Variants in DAB1 observed in about 807,000 individuals in gnomAD.
DAB1 encodes DAB adaptor protein 1.
A neutral mutation model predicts 64.6 loss-of-function variants in DAB1; 15 were observed. The ratio of observed to expected loss-of-function variants is 0.23; its 90% CI spans 0.16 to 0.36. The LOEUF is 0.36. Ranked by LOEUF, DAB1 falls within the 10% of genes least tolerant of loss-of-function variation. The pLI is 1.00. For synonymous variants in DAB1, 235 were observed against 251.9 expected (o/e 0.93, Z 0.64); for missense variants, 596 against 706.7 (o/e 0.84, Z 1.78).
intron 5 of DAB1, among the ~76,000 whole-genome samples, chr1:58,147,510 C>A (rs1434721577): frequency 4.3e-5 from 6 of 138,068 alleles, no homozygotes; most frequent in African/African-American, 1.4e-4. Flanking sequence ...CCCAGCTACT[C>A]GAGGCTGAGG....
At chr1:57,228,597 A>T (rs1667441633) in intron 2 of DAB1, among the ~76,000 whole-genome samples, 1 of 152,198 alleles carries the variant, frequency 6.6e-6, no homozygotes, top group South Asian at 2.1e-4. Flanking sequence ...TGCTTTTTAC[A>T]TGGAGCGTAG....
intron 7 of DAB1, among the ~76,000 whole-genome samples, chr1:57,441,298 CTTTCTTTCTTTCTTTCTTTCTT>C (rs1685945677): frequency 1.6e-5 from 1 of 61,754 alleles, no homozygotes; most frequent in Admixed American, 2.2e-4. Flanking sequence ...TTCTTTCTTT[CTTTCTTTCTTTCTTTCTTTCTT>C]CTTTCCTCCT....
intron 7 of DAB1, among the ~76,000 whole-genome samples, chr1:57,625,275 C>A (rs1645908654): frequency 6.6e-6 from 1 of 151,954 alleles, no homozygotes; most frequent in African/African-American, 2.4e-5. Context: ...TCTATCTTTT[C>A]TCTGTGTGTA....
intron 1 of DAB1, among the ~76,000 whole-genome samples, chr1:57,413,689 A>T (rs955974212): frequency 7.0e-6 from 1 of 143,098 alleles, no homozygotes; most frequent in African/African-American, 2.7e-5. Flanking sequence ...GCTTGCAGTG[A>T]GCTGAGATCG....
chr1:58,088,425 T>C (rs1186405944), intron 5 of DAB1, among the ~76,000 whole-genome samples: 2 of 152,206 alleles, frequency 1.3e-5, no homozygotes, highest in African/African-American at 4.8e-5. Flanking sequence ...TTTAAAAAAT[T>C]ATCTTCTAAT....
chr1:58,536,285 T>A (rs1475999307), intron 1 of DAB1, among the ~76,000 whole-genome samples: 2 of 152,068 alleles, frequency 1.3e-5, no homozygotes, highest in Non-Finnish European at 2.9e-5. Flanking sequence ...AAAAGTGACA[T>A]TTAAGGTGAA....
chr1:57,033,832 C>T (rs904483139), intron 9 of DAB1, among the ~76,000 whole-genome samples: 17 of 152,170 alleles, frequency 1.1e-4, no homozygotes, highest in South Asian at 8.3e-4. Flanking sequence ...GACATTGCCC[C>T]GCAGTTACAG....
intron 6 of DAB1, among the ~76,000 whole-genome samples, chr1:57,681,817 T>A (rs894325790): frequency 9.2e-5 from 14 of 152,170 alleles, no homozygotes; most frequent in African/African-American, 3.4e-4. Flanking sequence ...ATAGAAGATG[T>A]GGAATGAGTT....
At chr1:57,675,763 G>A (rs1281475069) in intron 6 of DAB1, among the ~76,000 whole-genome samples, 1 of 152,026 alleles carries the variant, frequency 6.6e-6, no homozygotes, top group African/African-American at 2.4e-5. Flanking sequence ...ATAATAATCA[G>A]CCTTTTATTT....
At chr1:57,299,343 A>C (rs1673447463) in intron 1 of DAB1, among the ~76,000 whole-genome samples, 1 of 152,208 alleles carries the variant, frequency 6.6e-6, no homozygotes, top group African/African-American at 2.4e-5. Flanking sequence ...TGGAAAAATA[A>C]AATGCTATGT....
intron 2 of DAB1, among the ~76,000 whole-genome samples, chr1:57,288,738 G>T (rs1672534217): frequency 6.6e-6 from 1 of 152,032 alleles, no homozygotes. Flanking sequence ...AAAGAGAAAA[G>T]AGTGGAGAGG....
intron 3 of DAB1, among the ~76,000 whole-genome samples, chr1:58,374,060 T>C (rs1481881288): frequency 6.8e-5 from 3 of 44,408 alleles, no homozygotes; most frequent in African/African-American, 2.0e-4. Flanking sequence ...TTTGAGTTCA[T>C]TGTAGATTCT....
chr1:58,314,623 G>A (rs967775821), intron 4 of DAB1, among the ~76,000 whole-genome samples: 1 of 152,058 alleles, frequency 6.6e-6, no homozygotes, highest in African/African-American at 2.4e-5. Context: ...TGTTATTCTT[G>A]CTCCATTTTA....
chr1:57,848,702 C>T (rs1653393967), intron 1 of DAB1, among the ~76,000 whole-genome samples: 1 of 152,148 alleles, frequency 6.6e-6, no homozygotes. Context: ...AGCAAAATAA[C>T]CTAAGGTTGA....
chr1:58,480,270 G>A (rs568777508), intron 3 of DAB1, among the ~76,000 whole-genome samples: 107 of 152,094 alleles, frequency 7.0e-4, no homozygotes, highest in African/African-American at 2.4e-3. Context: ...CTGGGAACCC[G>A]AGATTCCCAA....
chr1:57,026,984 T>G (rs773116125), intron 9 of DAB1, among the ~76,000 whole-genome samples: 10 of 152,194 alleles, frequency 6.6e-5, no homozygotes, highest in Non-Finnish European at 1.3e-4. Flanking sequence ...TTTTCCCTTA[T>G]CTTCAGATCT....
chr1:57,023,673 A>G, intron 10 of DAB1, 34 bp from the exon 11 acceptor site: 1 of 1,409,424 alleles, frequency 7.1e-7, no homozygotes, highest in Non-Finnish European at 1.0e-6. Flanking sequence ...GACACATGAG[A>G]CCTGGCTTAG....
intron 7 of DAB1, among the ~76,000 whole-genome samples, chr1:57,430,445 G>A (rs56350344): frequency 0.17 from 24,984 of 149,854 alleles, 2,266 homozygotes; most frequent in African/African-American, 0.24. Flanking sequence ...GCGCCATCTC[G>A]GCTCACTGCA....
intron 5 of DAB1, among the ~76,000 whole-genome samples, chr1:57,899,088 T>G (rs1004954166): frequency 1.3e-5 from 2 of 152,136 alleles, no homozygotes; most frequent in Non-Finnish European, 2.9e-5. Context: ...ATAAATGGGT[T>G]TTTTCATATG....
Sources: allele counts gnomAD v4.1 joint callset (sites outside exome capture counted in the v4.1 genomes callset), GRCh38; gene constraint gnomAD v4.1.1; transcripts MANE v1.5; gene names NCBI Gene and HGNC (gene_info 2026-07-23, HGNC 2026-07-21).